The following UNC13C variants were observed in gnomAD, a reference collection of about 807,000 sequenced individuals.
UNC13C encodes unc-13 homolog C.
Under a neutral mutation model 245.4 loss-of-function variants are expected in UNC13C, and 174 were observed. The observed-to-expected ratio is 0.71, with a 90% CI of 0.63 to 0.80. The LOEUF is 0.80. Ranked by LOEUF, UNC13C falls within the 30% of genes least tolerant of loss-of-function variation. The pLI, the probability that UNC13C is intolerant of heterozygous loss-of-function variation, is 0.00. For synonymous variants in UNC13C, 992 were observed against 895.1 expected (o/e 1.11, Z -1.93); for missense variants, 2,829 against 2,602.9 (o/e 1.09, Z -1.89).
At chr15:53,982,940 C>T (rs1893983433) in intron 1 of UNC13C, among the ~76,000 whole-genome samples, 1 of 152,114 alleles carries the variant, frequency 6.6e-6, no homozygotes, top group Admixed American at 6.6e-5. Flanking sequence ...AGGCCAGAGG[C>T]TTGGTGAATA....
At chr15:54,615,097 TTTTTAAA>T (rs1458409464) in intron 30 of UNC13C, among the ~76,000 whole-genome samples, 3 of 152,034 alleles carry the variant, frequency 2.0e-5, no homozygotes, top group African/African-American at 7.2e-5. Context: ...CCTTAGCCAC[TTTTTAAA>T]TTTTTCGTGG....
rs751811230 is a variant in UNC13C, at chr15:54,567,891, A to T, written c.6050A>T (p.Tyr2017Phe). Residue 2017 changes from tyrosine to phenylalanine, a missense_variant, in exon 30 of 33, where the codon TAT (tyrosine) becomes TTT (phenylalanine). Coordinates refer to ENST00000260323, the MANE Select transcript of UNC13C (RefSeq NM_001080534.3). ...LQSLRYALSL[Y>F]TQTTDALIKK... ...TCTCTGAGATATGCTCTCAGTCTTTATACCCAAACTACTGATGCCTTGATA... is the reference window on the plus strand; with the variant it reads ...TCTCTGAGATATGCTCTCAGTCTTTTTACCCAAACTACTGATGCCTTGATA... The T allele has an allele frequency of 3.8e-6, 6 of 1,595,348 alleles. No individual in the cohort carries two copies. Among genetic ancestry groups the T allele is most frequent in the Non-Finnish European group, 5.1e-6 (6 of 1,169,528 alleles).
intron 4 of UNC13C, among the ~76,000 whole-genome samples, chr15:54,233,459 A>G (rs946129042): frequency 6.6e-5 from 10 of 152,170 alleles, no homozygotes; most frequent in Non-Finnish European, 1.5e-4. Context: ...AATGGTTTTA[A>G]TATTTCACGC....
intron 2 of UNC13C, among the ~76,000 whole-genome samples, chr15:54,086,136 C>T (rs957179156): frequency 1.3e-5 from 2 of 152,126 alleles, no homozygotes; most frequent in African/African-American, 2.4e-5. Context: ...ACCATATTCA[C>T]CTTATAGTGC....
chr15:54,450,857 A>T (rs1891134421), intron 19 of UNC13C, among the ~76,000 whole-genome samples: 1 of 152,190 alleles, frequency 6.6e-6, no homozygotes, highest in Non-Finnish European at 1.5e-5. Flanking sequence ...CATCTTCTGC[A>T]TCGCTCACAC....
At chr15:54,532,562 C>G (rs979288365) in intron 25 of UNC13C, among the ~76,000 whole-genome samples, 8 of 152,112 alleles carry the variant, frequency 5.3e-5, no homozygotes, top group African/African-American at 1.9e-4. Flanking sequence ...TTATCATTAG[C>G]AAACTAACAC....
At chr15:54,150,989 C>A (rs1318984048) in intron 4 of UNC13C, among the ~76,000 whole-genome samples, 4 of 152,146 alleles carry the variant, frequency 2.6e-5, no homozygotes, top group African/African-American at 9.7e-5. Context: ...CCTGAAGCTG[C>A]TAATAGCTCA....
chr15:54,489,381 T>G (rs1287409601), intron 19 of UNC13C, among the ~76,000 whole-genome samples: 2 of 152,138 alleles, frequency 1.3e-5, no homozygotes, highest in Non-Finnish European at 2.9e-5. Flanking sequence ...CTTAACAAAT[T>G]TGATTAACTG....
At chr15:54,365,334 G>C (rs1009058505) in intron 17 of UNC13C, among the ~76,000 whole-genome samples, 1 of 152,034 alleles carries the variant, frequency 6.6e-6, no homozygotes, top group East Asian at 1.9e-4. Context: ...GTGTTTCTCT[G>C]ATTATTGCAC....
chr15:54,244,706 G>A (rs74916365), intron 7 of UNC13C, among the ~76,000 whole-genome samples: 3,862 of 151,944 alleles, frequency 0.025, 161 homozygotes, highest in African/African-American at 0.089. Flanking sequence ...TAGTTGTATC[G>A]CTAGGTATTT....
intron 2 of UNC13C, among the ~76,000 whole-genome samples, chr15:54,077,371 C>A (rs908247929): frequency 9.8e-5 from 7 of 71,762 alleles, no homozygotes; most frequent in South Asian, 5.6e-4. Flanking sequence ...CTTTTCTTTT[C>A]TTTTCTTTTT....
At chr15:54,395,262 A>G (rs1166793684) in intron 18 of UNC13C, among the ~76,000 whole-genome samples, 2 of 151,888 alleles carry the variant, frequency 1.3e-5, no homozygotes, top group Non-Finnish European at 2.9e-5. Flanking sequence ...TTGCATTTGT[A>G]TAATGTGGTG....
chr15:54,531,103 G>A (rs1895718038), intron 25 of UNC13C, among the ~76,000 whole-genome samples: 1 of 152,166 alleles, frequency 6.6e-6, no homozygotes, highest in African/African-American at 2.4e-5. Context: ...TCGCTGACAG[G>A]TTGGATGTTG....
At chr15:54,356,361 G>GT (rs144612246) in intron 17 of UNC13C, among the ~76,000 whole-genome samples, 2,675 of 149,750 alleles carry the variant, frequency 0.018, 74 homozygotes, top group African/African-American at 0.06. Flanking sequence ...CTCTAAAAGT[G>GT]TTTTTTTTTT....
At chr15:54,614,656 T>C (rs1392520848) in intron 30 of UNC13C, among the ~76,000 whole-genome samples, 1 of 152,026 alleles carries the variant, frequency 6.6e-6, no homozygotes, top group Non-Finnish European at 1.5e-5. Flanking sequence ...ACTGTCTCCC[T>C]CATAACTAGG....
chr15:54,022,136 T>G (rs565100811), intron 2 of UNC13C, among the ~76,000 whole-genome samples: 3 of 152,168 alleles, frequency 2.0e-5, no homozygotes, highest in Non-Finnish European at 4.4e-5. Context: ...GTAATTATAT[T>G]TTTAGTTTTG....
chr15:54,335,405 C>A (rs78732773), intron 16 of UNC13C, among the ~76,000 whole-genome samples: 3,418 of 152,152 alleles, frequency 0.022, 52 homozygotes, highest in Non-Finnish European at 0.034. Flanking sequence ...TCCTGTTATT[C>A]TTTTTTCTCA....
At chr15:53,924,337 A>T in the UNC13C span, among the ~76,000 whole-genome samples, 1 of 152,204 alleles carries the variant, frequency 6.6e-6, no homozygotes, top group East Asian at 1.9e-4. Flanking sequence ...GAAACCTCGT[A>T]ATCTTTTTGA....
chr15:54,580,809 C>T (rs771292446), intron 30 of UNC13C, among the ~76,000 whole-genome samples: 1 of 152,184 alleles, frequency 6.6e-6, no homozygotes, highest in Non-Finnish European at 1.5e-5. Flanking sequence ...CCAGTAATCA[C>T]GTGTTCCTCT....
Sources: allele counts gnomAD v4.1 joint callset (sites outside exome capture counted in the v4.1 genomes callset), GRCh38; gene constraint gnomAD v4.1.1; transcripts MANE v1.5; gene names NCBI Gene and HGNC (gene_info 2026-07-23, HGNC 2026-07-21).